The following ATRX variants were observed in gnomAD, a reference collection of about 807,000 sequenced individuals.
ATRX encodes chromatin remodeler ATRX.
Under a neutral mutation model 172.6 loss-of-function variants are expected in ATRX, and 12 were observed. That is an observed-to-expected ratio of 0.07 (90% CI 0.04 to 0.11). The LOEUF (loss-of-function observed/expected upper bound fraction) is 0.11, where lower values mean the gene tolerates loss of function less well. Ranked by LOEUF, ATRX falls within the 10% of genes least tolerant of loss-of-function variation. The pLI is 1.00. For missense variants in ATRX, 1,368 were observed against 1,767.4 expected, an observed-to-expected ratio of 0.77 and a Z score of 4.05; for synonymous variants, 674 against 594.7, an observed-to-expected ratio of 1.13 and a Z score of -1.94.
intron 28 of ATRX, among the ~76,000 whole-genome samples, chrX:77,565,198 C>T (rs1229497710): frequency 8.9e-6 from 1 of 112,083 alleles, no homozygotes; most frequent in Non-Finnish European, 1.9e-5. Context: ...AGTGAGGAGA[C>T]TGAACTCCCA....
chrX:77,660,946 A>C (rs1361359630), intron 12 of ATRX, among the ~76,000 whole-genome samples: 1 of 112,071 alleles, frequency 8.9e-6, no homozygotes, highest in African/African-American at 3.2e-5. Flanking sequence ...TCAACCTCCT[A>C]TAAGACTCAA....
intron 34 of ATRX, among the ~76,000 whole-genome samples, chrX:77,518,262 G>T (rs1373576315): frequency 2.7e-5 from 3 of 111,863 alleles, no homozygotes; most frequent in Non-Finnish European, 5.6e-5. Flanking sequence ...TCTGGTATTT[G>T]GAAAAACCTA....
At chrX:77,643,218 C>G (rs1372230368) in intron 15 of ATRX, among the ~76,000 whole-genome samples, 1 of 110,422 alleles carries the variant, frequency 9.1e-6, no homozygotes, top group Non-Finnish European at 1.9e-5. Context: ...ATTTCTTCAC[C>G]TAACTCAGAG....
intron 30 of ATRX, among the ~76,000 whole-genome samples, chrX:77,540,226 T>C (rs1180718083): frequency 9.0e-6 from 1 of 111,544 alleles, no homozygotes; most frequent in Non-Finnish European, 1.9e-5. Context: ...AAGAAGGGCA[T>C]TACATAATGG....
chrX:77,698,539 G>A (rs781895574), intron 3 of ATRX, 35 bp downstream of exon 3: 18 of 1,163,579 alleles, frequency 1.5e-5, no homozygotes, highest in Non-Finnish European at 1.8e-5. Context: ...TTGGTTAATC[G>A]TAACTAACAA....
intron 10 of ATRX, among the ~76,000 whole-genome samples, chrX:77,667,079 TAA>T (rs1299781108): frequency 9.7e-6 from 1 of 103,509 alleles, no homozygotes; most frequent in African/African-American, 3.5e-5. Context: ...TAGTTCTATT[TAA>T]AAAAAAAAAA....
chrX:77,647,648 A>G (rs1557114575), intron 15 of ATRX, among the ~76,000 whole-genome samples: 1 of 112,133 alleles, frequency 8.9e-6, no homozygotes, highest in East Asian at 2.8e-4. Context: ...AAACAAATGT[A>G]CACAAGATTT....
In ATRX at chrX:77,635,985, T is replaced by C; in HGVS notation, c.4629A>G (p.Glu1543=). The C allele has an allele frequency of 1.7e-6, 2 of 1,207,718 alleles. No individual in the cohort carries two copies. The highest frequency in any genetic ancestry group is 3.5e-5 in the South Asian group (2 of 56,786). The change falls in exon 16 of 35, where the codon GAA becomes GAG. Residue 1543 remains glutamate (E), a synonymous_variant. Transcript: ENST00000373344. Reference sequence around the variant, plus strand: ...CCTGCACTAAAGGTTCTTTGGTTTCTTCATCTTCATCTAAAACCAACTTGG... The same window carrying C: ...CCTGCACTAAAGGTTCTTTGGTTTCCTCATCTTCATCTAAAACCAACTTGG... ...ITTKLVLDED[E]ETKEPLVQVH...
intron 30 of ATRX, among the ~76,000 whole-genome samples, chrX:77,534,236 G>GA (rs782041770): frequency 1.8e-5 from 2 of 110,466 alleles, no homozygotes; most frequent in South Asian, 3.8e-4. Flanking sequence ...ATGAATAAGA[G>GA]AAAAAAAAGA....
chrX:77,640,503 A>G (rs2068602764), intron 15 of ATRX, among the ~76,000 whole-genome samples: 1 of 111,565 alleles, frequency 9.0e-6, no homozygotes, highest in Non-Finnish European at 1.9e-5. Flanking sequence ...TAAAAGGTTG[A>G]GCCAAACTTC....
intron 19 of ATRX, among the ~76,000 whole-genome samples, chrX:77,622,647 G>A (rs950162295): frequency 1.8e-5 from 2 of 111,442 alleles, no homozygotes; most frequent in African/African-American, 3.3e-5. Context: ...CGGGGAGGGC[G>A]CAAATCCAGA....
At chrX:77,785,869 C>A in intron 1 of ATRX, 113 bp downstream of exon 1, 1 of 978,249 alleles carries the variant, frequency 1.0e-6, no homozygotes, top group Non-Finnish European at 1.3e-6. Context: ...ATGCCTCTTT[C>A]GGCTAAGCAA....
intron 1 of ATRX, among the ~76,000 whole-genome samples, chrX:77,729,930 G>A (rs1226768918): frequency 2.7e-5 from 3 of 111,721 alleles, no homozygotes; most frequent in Admixed American, 9.6e-5. Flanking sequence ...GAGCAAGACC[G>A]TCTCGGAAAA....
At chrX:77,735,491 C>T (rs1176698019) in intron 1 of ATRX, among the ~76,000 whole-genome samples, 1 of 110,921 alleles carries the variant, frequency 9.0e-6, no homozygotes, top group Non-Finnish European at 1.9e-5. Context: ...ACTCGGGAGG[C>T]TGAGGCTGGA....
chrX:77,755,636 T>C lies in ATRX; in HGVS notation c.20+30346A>G, dbSNP rs782587632. On this transcript the variant is annotated intron_variant, in intron 1 of 34. Transcript: ENST00000373344. ...TTTGCTAAAGGTCCACTCCTGACCCTGTTTGCCTGGGTATCACCAGCGGAG... is the reference window on the plus strand; with the variant it reads ...TTTGCTAAAGGTCCACTCCTGACCCCGTTTGCCTGGGTATCACCAGCGGAG... Among the ~76,000 whole-genome samples the C allele has an allele frequency of 5.4e-4, 61 of 112,155 alleles. No homozygotes were observed. The Admixed American group carries it at 5.8e-3, about 11-fold the overall frequency.
intron 22 of ATRX, among the ~76,000 whole-genome samples, chrX:77,606,160 A>G (rs909760713): frequency 9.0e-6 from 1 of 110,598 alleles, no homozygotes; most frequent in Non-Finnish European, 1.9e-5. Flanking sequence ...AAGAATTTTC[A>G]TTTTAGGTTC....
In ATRX at chrX:77,520,409, C is replaced by A. The variant is rs1002211822; in HGVS notation, c.7200+379G>T. On this transcript the variant is annotated intron_variant, in intron 34 of 34. Coordinates refer to ENST00000373344, the MANE Select transcript of ATRX (RefSeq NM_000489.6). Reference sequence around the variant, plus strand: ...TGCACTGTATACCTGTATCAATATACCTTATGTACCCCATAAATATATATA... The same window carrying A: ...TGCACTGTATACCTGTATCAATATAACTTATGTACCCCATAAATATATATA... Among the ~76,000 whole-genome samples the A allele has an allele frequency of 3.6e-5, 4 of 111,124 alleles. No individual in the cohort carries two copies. The South Asian group carries it at 1.5e-3, about 42-fold the overall frequency.
intron 1 of ATRX, among the ~76,000 whole-genome samples, chrX:77,760,475 AG>A (rs1396903185): frequency 1.4e-4 from 2 of 13,861 alleles, no homozygotes; most frequent in East Asian, 3.2e-3. Context: ...GGGTGGGGGG[AG>A]GGGGGAGGGG....
intron 22 of ATRX, among the ~76,000 whole-genome samples, chrX:77,615,159 C>T (rs1183915633): frequency 2.7e-5 from 3 of 110,533 alleles, no homozygotes; most frequent in Non-Finnish European, 3.8e-5. Flanking sequence ...TTACCATACC[C>T]GGCTAATTTT....
Sources: gnomAD v4.1 joint callset for allele counts (sites outside exome capture counted in the v4.1 genomes callset) on GRCh38, gnomAD v4.1.1 for gene constraint, MANE v1.5 for transcripts, NCBI Gene and HGNC (gene_info 2026-07-23, HGNC 2026-07-21) for gene names.